SLC39A11: variants seen among roughly 807,000 people sequenced by gnomAD.
The protein encoded by SLC39A11 is zinc transporter ZIP11.
Under a neutral mutation model 36.1 loss-of-function variants are expected in SLC39A11, and 33 were observed. That is an observed-to-expected ratio of 0.91 (90% CI 0.69 to 1.22). The LOEUF is 1.22. SLC39A11 is among the 50% of genes most tolerant of loss of function. SLC39A11 has a pLI of 0.00. For synonymous variants in SLC39A11, 166 were observed against 170.3 expected, an observed-to-expected ratio of 0.97 and a Z score of 0.20; for missense variants, 432 against 430.3, an observed-to-expected ratio of 1.00 and a Z score of -0.03.
chr17:72,946,740 A>G (rs2085453590), intron 5 of SLC39A11, among the ~76,000 whole-genome samples: 1 of 152,054 alleles, frequency 6.6e-6, no homozygotes, highest in Non-Finnish European at 1.5e-5. Context: ...AAGGCATCCA[A>G]CTCTCCTCAT....
intron 5 of SLC39A11, among the ~76,000 whole-genome samples, chr17:72,862,637 T>C (rs1485794140): frequency 6.6e-6 from 1 of 152,196 alleles, no homozygotes; most frequent in Non-Finnish European, 1.5e-5. Context: ...TTTGTTTTCT[T>C]TCCATTTCAG....
chr17:72,953,942 G>A (rs988395794), intron 4 of SLC39A11, among the ~76,000 whole-genome samples: 1 of 152,196 alleles, frequency 6.6e-6, no homozygotes, highest in Admixed American at 6.5e-5. Flanking sequence ...GATTCAGGAC[G>A]GGGGAGCTCT....
intron 5 of SLC39A11, among the ~76,000 whole-genome samples, chr17:72,914,265 G>A (rs933304338): frequency 6.6e-6 from 1 of 151,000 alleles, no homozygotes; most frequent in Non-Finnish European, 1.5e-5. Context: ...GCAGTGAGAC[G>A]AGATCGTGCC....
intron 4 of SLC39A11, among the ~76,000 whole-genome samples, chr17:73,010,107 T>A (rs150520569): frequency 2.6e-5 from 4 of 152,040 alleles, no homozygotes; most frequent in Admixed American, 1.3e-4. Context: ...GTTCTCTGAC[T>A]AGAGGGAGCA....
In SLC39A11 at chr17:72,647,659, A is replaced by G. The variant is rs146577169; in HGVS notation, c.933T>C (p.Gly311=). 1,108 of 1,613,738 alleles carry G rather than the reference A, an allele frequency of 6.9e-4. 12 individuals carry two copies. In the East Asian group the frequency reaches 0.021, roughly 31 times the overall value. Residue 311 remains glycine (G), a synonymous_variant, in exon 10 of 10, where the codon GGT becomes GGC. Transcript: ENST00000255559. Reference sequence around the variant, plus strand: ...AGGCCCAGGATGCCAGTTTCCCATTACCACTGGAAGAGAAGGACAGGAAGA... The same window carrying G: ...AGGCCCAGGATGCCAGTTTCCCATTGCCACTGGAAGAGAAGGACAGGAAGA... The part of the protein sequence containing the change: ...DDIIPEAQIS[G]NGKLASWASI...
chr17:73,049,731 C>T (rs978912251), intron 3 of SLC39A11, among the ~76,000 whole-genome samples: 9 of 152,152 alleles, frequency 5.9e-5, no homozygotes, highest in Admixed American at 1.3e-4. Context: ...GCAAATTCCC[C>T]GCCTGAGAGG....
At chr17:72,738,180 A>G (rs1185204856) in intron 6 of SLC39A11, among the ~76,000 whole-genome samples, 1 of 151,844 alleles carries the variant, frequency 6.6e-6, no homozygotes, top group Non-Finnish European at 1.5e-5. Flanking sequence ...AATTTTTTGT[A>G]TTTTTAGTAG....
chr17:72,750,400 C>T (rs2144307624), intron 6 of SLC39A11, among the ~76,000 whole-genome samples: 1 of 149,172 alleles, frequency 6.7e-6, no homozygotes, highest in Admixed American at 6.8e-5. Context: ...CTCTAGCACA[C>T]ACTTGACTAT....
chr17:72,827,675 C>T (rs1306767238), intron 6 of SLC39A11, among the ~76,000 whole-genome samples: 1 of 152,138 alleles, frequency 6.6e-6, no homozygotes, highest in Non-Finnish European at 1.5e-5. Context: ...AATGCTATTG[C>T]CTTCAGCCAT....
Position 73,031,568 on chromosome 17 carries a change from C to G in SLC39A11, c.294G>C (p.Leu98=), listed in dbSNP as rs2058739103. The change falls in exon 4 of 10, where the codon CTG becomes CTC. Residue 98 remains leucine (L), a synonymous_variant. Transcript: ENST00000255559. ...GAGTGGTACTCACCAAGTGAGGCAT[C>G]AGGAGGTCAGCCAAGTAGACAAAAG... ...GAAFVYLADL[L]MPHLGAAEDP... 1.2e-6 allele frequency: 2 copies of G among 1,614,126 alleles called. No individual in the cohort carries two copies. Among genetic ancestry groups the G allele is most frequent in the Non-Finnish European group, 1.7e-6 (2 of 1,180,016 alleles).
chr17:72,832,250 G>T (rs1477079216), intron 6 of SLC39A11, among the ~76,000 whole-genome samples: 1 of 152,190 alleles, frequency 6.6e-6, no homozygotes, highest in Non-Finnish European at 1.5e-5. Flanking sequence ...CTGAACCACT[G>T]AAGAAATGGT....
At chr17:72,834,665 A>ATAAAG (rs55737803) in intron 6 of SLC39A11, among the ~76,000 whole-genome samples, 5 of 152,096 alleles carry the variant, frequency 3.3e-5, no homozygotes, top group Non-Finnish European at 7.4e-5. Context: ...ATAAAATAAA[A>ATAAAG]GATTGTATTA....
rs539350064 is a variant in SLC39A11 at position 72,936,795 on chromosome 17, A to T, written c.430+10957T>A. ...GATGAAACCGTTCCACCCTCCGATCATCAGACATTAGATTCTCATAAGGAA... is the reference window on the plus strand; with the variant it reads ...GATGAAACCGTTCCACCCTCCGATCTTCAGACATTAGATTCTCATAAGGAA... On this transcript the variant is annotated intron_variant, in intron 5 of 9. Coordinates refer to ENST00000255559, the MANE Select transcript of SLC39A11 (RefSeq NM_139177.4). 5.9e-5 allele frequency among the ~76,000 whole-genome samples: 9 copies of T among 152,154 alleles called. No homozygotes were observed. The South Asian group carries it at 1.9e-3, about 32-fold the overall frequency.
intron 5 of SLC39A11, among the ~76,000 whole-genome samples, chr17:72,940,590 C>T (rs1462800642): frequency 2.0e-5 from 3 of 152,080 alleles, no homozygotes; most frequent in Non-Finnish European, 2.9e-5. Context: ...CTTTCTTTCT[C>T]GCTGCACTCT....
chr17:72,718,332 G>C (rs942339686), intron 7 of SLC39A11, among the ~76,000 whole-genome samples: 1 of 152,092 alleles, frequency 6.6e-6, no homozygotes, highest in Non-Finnish European at 1.5e-5. Flanking sequence ...CCAGCTACTC[G>C]TGAGGCTGAG....
At chr17:73,070,831 C>A (rs1431046728) in intron 3 of SLC39A11, among the ~76,000 whole-genome samples, 1 of 152,148 alleles carries the variant, frequency 6.6e-6, no homozygotes, top group Non-Finnish European at 1.5e-5. Context: ...GTCAGACATG[C>A]CTTTCACTTT....
chr17:72,713,513 C>T (rs913117636), intron 7 of SLC39A11, among the ~76,000 whole-genome samples: 5 of 152,156 alleles, frequency 3.3e-5, no homozygotes, highest in Non-Finnish European at 7.4e-5. Context: ...GAGTGAAACC[C>T]GAAGGGTTCT....
intron 3 of SLC39A11, among the ~76,000 whole-genome samples, chr17:73,048,046 C>A (rs1379747079): frequency 7.7e-6 from 1 of 130,504 alleles, no homozygotes; most frequent in Non-Finnish European, 1.6e-5. Flanking sequence ...TTACCCTGTG[C>A]CAACCTTTAC....
intron 5 of SLC39A11, among the ~76,000 whole-genome samples, chr17:72,908,499 C>T (rs1423317343): frequency 2.0e-5 from 3 of 152,174 alleles, no homozygotes; most frequent in Non-Finnish European, 2.9e-5. Flanking sequence ...ACTACCGTGC[C>T]GTCTCTGCCA....
Sources: gnomAD v4.1 joint callset for allele counts (sites outside exome capture counted in the v4.1 genomes callset) on GRCh38, gnomAD v4.1.1 for gene constraint, MANE v1.5 for transcripts, NCBI Gene and HGNC (gene_info 2026-07-23, HGNC 2026-07-21) for gene names.